FCHSD2: variants seen among roughly 807,000 people sequenced by gnomAD.
The protein encoded by FCHSD2 is F-BAR and double SH3 domains protein 2.
In FCHSD2, 38 loss-of-function variants were observed where a neutral mutation model predicts 108.1. That is an observed-to-expected ratio of 0.35 (90% confidence interval 0.27 to 0.46). FCHSD2 has a LOEUF of 0.46. Ranked by LOEUF, FCHSD2 falls within the 20% of genes least tolerant of loss-of-function variation. The probability of loss-of-function intolerance (pLI) is 1.00; values close to 1 mark genes in which losing one functional copy is unlikely to be tolerated. For synonymous variants in FCHSD2, 279 were observed against 314.7 expected, an observed-to-expected ratio of 0.89 and a Z score of 1.20; for missense variants, 751 against 897.8, an observed-to-expected ratio of 0.84 and a Z score of 2.09.
intron 8 of FCHSD2, among the ~76,000 whole-genome samples, chr11:72,978,073 A>C (rs947718810): frequency 9.2e-5 from 14 of 151,972 alleles, no homozygotes; most frequent in Non-Finnish European, 1.8e-4. Flanking sequence ...AGAAAACCAA[A>C]CACCACATGT....
At position 72,844,902 on chromosome 11, in the gene FCHSD2, T is replaced by C. The variant is rs887320118; in HGVS notation, c.1444-1370A>G. 5.9e-5 allele frequency among the ~76,000 whole-genome samples: 9 copies of C among 152,054 alleles called. 1 individual carries two copies. Among genetic ancestry groups the C allele is most frequent in the Admixed American group, 4.6e-4 (7 of 15,260 alleles). On this transcript the variant is annotated intron_variant, in intron 14 of 19. Coordinates refer to ENST00000409418, the MANE Select transcript of FCHSD2 (RefSeq NM_014824.3). ...AGCTCCCTGAGACAGAAAAATAATATTGAGGAAAAAACCCCACTCATTTAC... is the reference window on the plus strand; with the variant it reads ...AGCTCCCTGAGACAGAAAAATAATACTGAGGAAAAAACCCCACTCATTTAC...
chr11:73,048,680 C>A (rs1172430982), intron 3 of FCHSD2, among the ~76,000 whole-genome samples: 1 of 152,124 alleles, frequency 6.6e-6, no homozygotes, highest in Non-Finnish European at 1.5e-5. Context: ...CTCTTAAAGC[C>A]TCATTTTAGA....
chr11:72,898,630 A>G (rs1177456985), intron 10 of FCHSD2, among the ~76,000 whole-genome samples: 1 of 152,122 alleles, frequency 6.6e-6, no homozygotes, highest in African/African-American at 2.4e-5. Context: ...CATCAAGTCT[A>G]CTTGCTATTT....
At position 72,898,046 on chromosome 11, in the gene FCHSD2, A is replaced by C. The variant is rs144407351; in HGVS notation, c.924+4497T>G. 5.3e-5 allele frequency among the ~76,000 whole-genome samples: 8 copies of C among 152,324 alleles called. 2 individuals carry two copies. The highest frequency in any genetic ancestry group is 1.9e-4 in the East Asian group (1 of 5,188). ...AGTATTAACCATGAGACAGCTATTA[A>C]GTTACTACATAAGAACAAAGCTTGC... On this transcript the variant is annotated intron_variant, in intron 10 of 19. Transcript: ENST00000409418.
At chr11:73,024,648 A>G (rs891241844) in intron 3 of FCHSD2, among the ~76,000 whole-genome samples, 1 of 152,164 alleles carries the variant, frequency 6.6e-6, no homozygotes, top group Admixed American at 6.5e-5. Flanking sequence ...AATGGGATCT[A>G]ATTAAACTGA....
chr11:72,947,559 T>C (rs1475485082), intron 8 of FCHSD2, among the ~76,000 whole-genome samples: 1 of 152,220 alleles, frequency 6.6e-6, no homozygotes, highest in African/African-American at 2.4e-5. Context: ...GAAATGGGTA[T>C]ATTATAATGA....
chr11:73,000,493 T>C (rs1857604935), intron 5 of FCHSD2, among the ~76,000 whole-genome samples: 1 of 152,224 alleles, frequency 6.6e-6, no homozygotes, highest in South Asian at 2.1e-4. Flanking sequence ...CATTTACTCA[T>C]GTGTAACCCA....
chr11:73,029,622 G>A (rs1858312135), intron 3 of FCHSD2, among the ~76,000 whole-genome samples: 1 of 152,170 alleles, frequency 6.6e-6, no homozygotes, highest in African/African-American at 2.4e-5. Context: ...CAGACACAGA[G>A]GTAGGAAGTC....
intron 2 of FCHSD2, among the ~76,000 whole-genome samples, chr11:73,124,529 G>A (rs960880942): frequency 1.3e-5 from 2 of 152,190 alleles, no homozygotes; most frequent in Non-Finnish European, 2.9e-5. Flanking sequence ...GCCAAGGTAG[G>A]TGGATCACCA....
intron 3 of FCHSD2, among the ~76,000 whole-genome samples, chr11:73,047,819 AT>A (rs1310239743): frequency 6.6e-6 from 1 of 152,212 alleles, no homozygotes; most frequent in Admixed American, 6.5e-5. Flanking sequence ...CTCAGTAAAT[AT>A]TTGCTAATGA....
At chr11:72,978,883 G>C (rs1167380420) in intron 8 of FCHSD2, among the ~76,000 whole-genome samples, 1 of 112,830 alleles carries the variant, frequency 8.9e-6, no homozygotes, top group Non-Finnish European at 1.7e-5. Flanking sequence ...TTGAGATGAA[G>C]TCTCACTCTG....
intron 5 of FCHSD2, among the ~76,000 whole-genome samples, chr11:72,996,232 A>C (rs191800010): frequency 7.5e-4 from 114 of 152,350 alleles, no homozygotes; most frequent in Admixed American, 6.2e-3. Context: ...TCTGTTATTT[A>C]CTACCTAAGT....
At chr11:73,059,260 G>A (rs1565390185) in intron 3 of FCHSD2, among the ~76,000 whole-genome samples, 1 of 151,790 alleles carries the variant, frequency 6.6e-6, no homozygotes, top group Non-Finnish European at 1.5e-5. Flanking sequence ...GTGAACTACG[G>A]TTTATTTACC....
intron 18 of FCHSD2, among the ~76,000 whole-genome samples, chr11:72,841,239 C>A (rs1860921869): frequency 7.0e-6 from 1 of 143,744 alleles, no homozygotes; most frequent in African/African-American, 2.6e-5. Flanking sequence ...GAGGCTGAGG[C>A]AGGAGGATCA....
chr11:72,876,361 A>C (rs1291877875), intron 12 of FCHSD2, among the ~76,000 whole-genome samples: 1 of 152,172 alleles, frequency 6.6e-6, no homozygotes, highest in Non-Finnish European at 1.5e-5. Flanking sequence ...CATAGTCAGC[A>C]CCCAGAATGG....
At chr11:73,033,944 T>C (rs1020172975) in intron 3 of FCHSD2, among the ~76,000 whole-genome samples, 1 of 152,232 alleles carries the variant, frequency 6.6e-6, no homozygotes, top group African/African-American at 2.4e-5. Flanking sequence ...TAATGTTGTT[T>C]TAAAGAAATT....
chr11:72,927,247 G>A (rs1856094650), intron 8 of FCHSD2, among the ~76,000 whole-genome samples: 1 of 152,160 alleles, frequency 6.6e-6, no homozygotes, highest in African/African-American at 2.4e-5. Flanking sequence ...AATCACTTCA[G>A]AGCTTATAAA....
At chr11:72,843,991 G>A (rs1010352118) in intron 14 of FCHSD2, among the ~76,000 whole-genome samples, 1 of 152,082 alleles carries the variant, frequency 6.6e-6, no homozygotes, top group Non-Finnish European at 1.5e-5. Context: ...CTGGGCAACA[G>A]AGCGAGACCC....
chr11:72,974,907 T>G (rs966154008), intron 8 of FCHSD2, among the ~76,000 whole-genome samples: 3 of 152,052 alleles, frequency 2.0e-5, no homozygotes, highest in African/African-American at 7.2e-5. Context: ...TGCTAATTAA[T>G]TAAGTAAACA....
Sources: allele counts gnomAD v4.1 joint callset (sites outside exome capture counted in the v4.1 genomes callset), GRCh38; gene constraint gnomAD v4.1.1; transcripts MANE v1.5; gene names NCBI Gene and HGNC (gene_info 2026-07-23, HGNC 2026-07-21).